Variants in CCDC144A observed in about 807,000 individuals in gnomAD.
CCDC144A encodes the protein coiled-coil domain containing 144A.
CCDC144A carries 41 observed loss-of-function variants against 143.8 expected under a neutral mutation model. The ratio of observed to expected loss-of-function variants is 0.29; its 90% CI spans 0.22 to 0.37. The LOEUF (loss-of-function observed/expected upper bound fraction) is 0.37. Among genes scored for constraint, CCDC144A ranks in the 10% least tolerant of loss-of-function variants. The probability of loss-of-function intolerance (pLI) is 1.00; values close to 1 mark genes in which losing one functional copy is unlikely to be tolerated. For missense variants in CCDC144A, 637 were observed against 1,488.8 expected (o/e 0.43, Z 9.41); for synonymous variants, 242 against 517.9 (o/e 0.47, Z 7.23).
chr17:16,724,580 G>A (rs1268033606), intron 8 of CCDC144A, among the ~76,000 whole-genome samples: 16 of 151,188 alleles, frequency 1.1e-4, no homozygotes, highest in Non-Finnish European at 2.1e-4. Context: ...TGCTCACTGG[G>A]TACTTGAGAA....
intron 6 of CCDC144A, among the ~76,000 whole-genome samples, chr17:16,714,026 C>G (rs1045114685): frequency 6.6e-6 from 1 of 152,116 alleles, no homozygotes; most frequent in African/African-American, 2.4e-5. Flanking sequence ...TTTTATTTAA[C>G]CTGTCAGCAA....
rs1238770174 is a variant in CCDC144A at position 16,709,114 on chromosome 17, T to C, written c.1057T>C (p.Ser353Pro). 1 of 1,611,622 alleles carries C rather than the reference T, an allele frequency of 6.2e-7. No homozygotes were observed. Among genetic ancestry groups the C allele is most frequent in the East Asian group, 2.2e-5 (1 of 44,854 alleles). ...TGAGGAAGAAGATGCATCTGAAATA[T>C]CTGTCTCAGTGGTATTCGAGACATT... is the stretch of plus-strand genomic sequence containing the variant. ...GCEEEDASEISVSVVFETFPE... is the reference protein window; with the variant it reads ...GCEEEDASEIPVSVVFETFPE... The change falls in exon 5 of 17, where the codon TCT becomes CCT. Residue 353 changes from serine to proline, a missense_variant. Physicochemically the swap from Ser to Pro is moderately conservative, Grantham distance 74 (BLOSUM62 -1). Coordinates refer to ENST00000399273, the MANE Select transcript of CCDC144A (RefSeq NM_001382000.1).
At chr17:16,769,205 C>T (rs967861939) in intron 15 of CCDC144A, among the ~76,000 whole-genome samples, 1 of 152,126 alleles carries the variant, frequency 6.6e-6, no homozygotes, top group South Asian at 2.1e-4. Context: ...GCAGACACAT[C>T]TTTTGAAAGA....
chr17:16,678,727 T>C, the CCDC144A span, among the ~76,000 whole-genome samples: 1 of 149,950 alleles, frequency 6.7e-6, no homozygotes, highest in East Asian at 2.0e-4. Context: ...ACTATAGGCA[T>C]GTGCCACCAA....
At chr17:16,679,088 C>A in the CCDC144A span, among the ~76,000 whole-genome samples, 5 of 149,360 alleles carry the variant, frequency 3.3e-5, no homozygotes, top group East Asian at 7.8e-4. Context: ...GTAGAGATGG[C>A]GGGGGGGGGT....
chr17:16,776,397 T>C lies in CCDC144A; in HGVS notation c.*2764T>C, dbSNP rs540953452. Reference sequence around the variant, plus strand: ...TTCTTTGAATAATGGTTTATAGTTATCCTTGAAAAGGTCCTTCACTTTTCT... The same window carrying C: ...TTCTTTGAATAATGGTTTATAGTTACCCTTGAAAAGGTCCTTCACTTTTCT... On this transcript the variant is annotated 3_prime_UTR_variant, in exon 17 of 17. Coordinates refer to ENST00000399273, the MANE Select transcript of CCDC144A (RefSeq NM_001382000.1). The C allele has an allele frequency of 1.3e-4, 20 of 152,324 alleles. No homozygotes were observed. The highest frequency in any genetic ancestry group is 7.8e-4 in the Admixed American group (12 of 15,302). The allele number at this position is 152,324 out of a possible 1,614,324, so 9.4% of individuals were successfully genotyped here. A position where few individuals can be genotyped will look rare whatever the true frequency, so the allele number is the denominator to read the frequency against.
Position 16,707,465 on chromosome 17 carries a change from G to C in CCDC144A, c.665-4G>C. ...TAGTTTAACTGAATGTTTGGATTTT[G>C]CAGCAGAACAAGACTCGGAGCTGAC... On this transcript the variant is annotated splice_polypyrimidine_tract_variant and splice_region_variant and intron_variant, in intron 3 of 16. Transcript: ENST00000399273. 12 of 1,600,056 alleles carry C rather than the reference G, an allele frequency of 7.5e-6. No homozygotes were observed. The highest frequency in any genetic ancestry group is 1.0e-5 in the Non-Finnish European group (12 of 1,174,224).
intron 12 of CCDC144A, among the ~76,000 whole-genome samples, chr17:16,753,754 C>G (rs1914936791): frequency 6.7e-6 from 1 of 149,968 alleles, no homozygotes; most frequent in African/African-American, 2.5e-5. Context: ...AATCTGGATC[C>G]CCTTTATTTC....
chr17:16,746,080 C>A, intron 12 of CCDC144A: 1 of 1,606,772 alleles, frequency 6.2e-7, no homozygotes, highest in African/African-American at 1.3e-5. Flanking sequence ...TTCAGCGAGC[C>A]TTCCACGGGC....
At chr17:16,684,061 C>A in the CCDC144A span, 1 of 907,408 alleles carries the variant, frequency 1.1e-6, no homozygotes, top group Non-Finnish European at 1.9e-6. Context: ...CTCAGAAAAT[C>A]AATAAACTGG....
chr17:16,679,984 T>C, the CCDC144A span, among the ~76,000 whole-genome samples: 1 of 151,586 alleles, frequency 6.6e-6, no homozygotes, highest in African/African-American at 2.4e-5. Flanking sequence ...AAAATATTTA[T>C]TTTTTTTAAA....
chr17:16,703,818 G>A (rs1054643493), intron 2 of CCDC144A, among the ~76,000 whole-genome samples: 4 of 151,802 alleles, frequency 2.6e-5, no homozygotes, highest in Middle Eastern at 3.4e-3. Flanking sequence ...ACAAACAAAC[G>A]AACAAAAAAA....
intron 8 of CCDC144A, among the ~76,000 whole-genome samples, chr17:16,721,139 C>G (rs1192629647): frequency 6.6e-6 from 1 of 152,050 alleles, no homozygotes; most frequent in Non-Finnish European, 1.5e-5. Context: ...TTACTCTTCT[C>G]TTTCTCTGTG....
intron 2 of CCDC144A, among the ~76,000 whole-genome samples, chr17:16,699,934 C>G (rs1235442432): frequency 6.6e-6 from 1 of 151,824 alleles, no homozygotes; most frequent in Non-Finnish European, 1.5e-5. Flanking sequence ...AAAAAATAAG[C>G]AGATTAGGGA....
In CCDC144A at chr17:16,690,375, G is replaced by T; in HGVS notation, c.-26G>T. The T allele has an allele frequency of 6.7e-7, 1 of 1,484,536 alleles. No individual in the cohort carries two copies. Among genetic ancestry groups the T allele is most frequent in the East Asian group, 2.3e-5 (1 of 42,952 alleles). The allele number at this position is 1,484,536 out of a possible 1,614,324, so 92.0% of individuals were successfully genotyped here. ...CCGCGGGCTATCCTGCTGGGAGGTT[G>T]TGGCCGAGGCAGTAGCTCGCTACTG... On this transcript the variant is annotated 5_prime_UTR_variant, in exon 1 of 17. Coordinates refer to ENST00000399273, the MANE Select transcript of CCDC144A (RefSeq NM_001382000.1).
chr17:16,725,618 C>G (rs964232425), intron 8 of CCDC144A, among the ~76,000 whole-genome samples: 20 of 151,796 alleles, frequency 1.3e-4, no homozygotes, highest in African/African-American at 4.8e-4. Context: ...AGGTTGGGGA[C>G]TTGTGGGGAA....
At chr17:16,670,804 C>T in the CCDC144A span, among the ~76,000 whole-genome samples, 2 of 151,964 alleles carry the variant, frequency 1.3e-5, no homozygotes, top group Non-Finnish European at 2.9e-5. Flanking sequence ...CCACCATCCC[C>T]CGCCCTCTAT....
the CCDC144A span, among the ~76,000 whole-genome samples, chr17:16,680,268 A>G: frequency 6.6e-6 from 1 of 151,904 alleles, no homozygotes; most frequent in Non-Finnish European, 1.5e-5. Flanking sequence ...TCTCTCCAAA[A>G]AATTACAAAA....
rs1320867735 is a variant in CCDC144A, at chr17:16,727,745, G to A, written c.2105+5G>A. The A allele has an allele frequency of 2.5e-6, 4 of 1,600,080 alleles. No individual in the cohort carries two copies. In the East Asian group the frequency reaches 6.7e-5, roughly 27 times the overall value. ...GAAAGAGCTGTACGATTTGAGGTATGATGTTCTAGTTCTAAAGAAATGTTT... is the reference window on the plus strand; with the variant it reads ...GAAAGAGCTGTACGATTTGAGGTATAATGTTCTAGTTCTAAAGAAATGTTT... On this transcript the variant is annotated splice_donor_5th_base_variant and intron_variant, in intron 9 of 16. Coordinates refer to ENST00000399273, the MANE Select transcript of CCDC144A (RefSeq NM_001382000.1).
Sources: gnomAD v4.1 joint callset for allele counts (sites outside exome capture counted in the v4.1 genomes callset) on GRCh38, gnomAD v4.1.1 for gene constraint, MANE v1.5 for transcripts, NCBI Gene and HGNC (gene_info 2026-07-23, HGNC 2026-07-21) for gene names.